The following IL1RAPL1 variants were observed in gnomAD, a reference collection of about 807,000 sequenced individuals.
The protein encoded by IL1RAPL1 is interleukin 1 receptor accessory protein like 1.
A neutral mutation model predicts 48.4 loss-of-function variants in IL1RAPL1; 3 were observed. That is an observed-to-expected ratio of 0.06 (90% CI 0.03 to 0.16). The LOEUF is 0.16. Among genes scored for constraint, IL1RAPL1 ranks in the 10% least tolerant of loss-of-function variants. The pLI is 1.00. For synonymous variants in IL1RAPL1, 185 were observed against 187.7 expected (o/e 0.99, Z 0.12); for missense variants, 349 against 530.6 (o/e 0.66, Z 3.36).
At chrX:28,941,345 A>G (rs1449558307) in intron 2 of IL1RAPL1, among the ~76,000 whole-genome samples, 2 of 111,336 alleles carry the variant, frequency 1.8e-5, no homozygotes, top group Non-Finnish European at 3.8e-5. Context: ...TCTCTGCAAG[A>G]TATTTACTTA....
chrX:29,298,918 A>G (rs935251185), intron 3 of IL1RAPL1, among the ~76,000 whole-genome samples: 1 of 111,226 alleles, frequency 9.0e-6, no homozygotes, highest in African/African-American at 3.3e-5. Context: ...GATGCAAAGT[A>G]TTGATCCTGG....
At chrX:29,301,678 A>C (rs942664923) in intron 3 of IL1RAPL1, among the ~76,000 whole-genome samples, 1 of 111,880 alleles carries the variant, frequency 8.9e-6, no homozygotes, top group African/African-American at 3.2e-5. Flanking sequence ...TTTTCTGCAC[A>C]CAGGAATAAA....
At chrX:29,925,774 A>T (rs1338213507) in intron 8 of IL1RAPL1, among the ~76,000 whole-genome samples, 1 of 110,359 alleles carries the variant, frequency 9.1e-6, no homozygotes, top group African/African-American at 3.3e-5. Flanking sequence ...TCCTCGGCTT[A>T]AGCGATCCTC....
chrX:28,708,755 T>G (rs1935405210), intron 1 of IL1RAPL1, among the ~76,000 whole-genome samples: 1 of 110,904 alleles, frequency 9.0e-6, no homozygotes, highest in Non-Finnish European at 1.9e-5. Context: ...GTTAAAAAAC[T>G]TGATCACATG....
intron 6 of IL1RAPL1, among the ~76,000 whole-genome samples, chrX:29,884,189 G>A (rs776246110): frequency 9.0e-6 from 1 of 111,710 alleles, no homozygotes; most frequent in Admixed American, 9.5e-5. Flanking sequence ...ATTCATTCGA[G>A]ACAAACCCTA....
intron 9 of IL1RAPL1, among the ~76,000 whole-genome samples, chrX:29,951,564 G>C: frequency 9.0e-6 from 1 of 111,453 alleles, no homozygotes. Flanking sequence ...GATATGAGTA[G>C]GGCCTAACCT....
intron 6 of IL1RAPL1, among the ~76,000 whole-genome samples, chrX:29,671,760 C>T (rs1249898782): frequency 2.7e-5 from 3 of 111,945 alleles, no homozygotes; most frequent in East Asian, 2.8e-4. Flanking sequence ...CTGCCTGTTA[C>T]GGCCAGGAGC....
intron 2 of IL1RAPL1, among the ~76,000 whole-genome samples, chrX:29,142,893 G>A (rs556921140): frequency 1.8e-5 from 2 of 109,940 alleles, no homozygotes; most frequent in East Asian, 5.7e-4. Flanking sequence ...TAGAGACAGG[G>A]TTTCACCATG....
intron 2 of IL1RAPL1, among the ~76,000 whole-genome samples, chrX:29,224,647 T>C (rs1262757146): frequency 8.9e-6 from 1 of 112,142 alleles, no homozygotes; most frequent in Non-Finnish European, 1.9e-5. Context: ...TATATAGTTG[T>C]ATCATGTTTA....
chrX:28,748,618 C>T (rs1936005897), intron 1 of IL1RAPL1, among the ~76,000 whole-genome samples: 1 of 111,828 alleles, frequency 8.9e-6, no homozygotes, highest in Non-Finnish European at 1.9e-5. Context: ...AATAAACCTT[C>T]AAATGTATTT....
chrX:29,613,737 GT>G (rs1924170996), intron 5 of IL1RAPL1, among the ~76,000 whole-genome samples: 1 of 97,585 alleles, frequency 1.0e-5, no homozygotes, highest in African/African-American at 3.8e-5. Flanking sequence ...GTGTGTGTGT[GT>G]GTGTGTGTGT....
chrX:29,032,162 T>C (rs777608270), intron 2 of IL1RAPL1, among the ~76,000 whole-genome samples: 1 of 112,125 alleles, frequency 8.9e-6, no homozygotes, highest in South Asian at 3.7e-4. Flanking sequence ...GGTTGTCTAC[T>C]GTACCACTTT....
At chrX:28,926,931 GC>G (rs1923758419) in intron 2 of IL1RAPL1, among the ~76,000 whole-genome samples, 1 of 110,777 alleles carries the variant, frequency 9.0e-6, no homozygotes, top group Non-Finnish European at 1.9e-5. Flanking sequence ...TCCCTCTGTT[GC>G]CCAGGCTGGA....
intron 3 of IL1RAPL1, among the ~76,000 whole-genome samples, chrX:29,310,016 A>C (rs1182433504): frequency 2.4e-4 from 24 of 98,079 alleles, no homozygotes; most frequent in African/African-American, 4.4e-4. Context: ...ATGGCGTGAA[A>C]CCGGGAGGCA....
At chrX:28,903,267 G>A (rs765041203) in intron 2 of IL1RAPL1, among the ~76,000 whole-genome samples, 4 of 110,439 alleles carry the variant, frequency 3.6e-5, no homozygotes, top group Admixed American at 9.7e-5. Context: ...TTACAGGCAC[G>A]TGCCACCATG....
chrX:29,153,858 T>G (rs1929514334), intron 2 of IL1RAPL1, among the ~76,000 whole-genome samples: 1 of 112,199 alleles, frequency 8.9e-6, no homozygotes, highest in African/African-American at 3.2e-5. Context: ...AACTAAGTCC[T>G]TACAAAATAA....
At chrX:29,355,453 C>T (rs376444947) in intron 3 of IL1RAPL1, among the ~76,000 whole-genome samples, 1 of 112,232 alleles carries the variant, frequency 8.9e-6, no homozygotes, top group East Asian at 2.8e-4. Context: ...TCTGAAGATA[C>T]TTTTCTTTCT....
intron 1 of IL1RAPL1, among the ~76,000 whole-genome samples, chrX:28,611,096 G>A (rs183090728): frequency 9.0e-6 from 1 of 111,590 alleles, no homozygotes; most frequent in African/African-American, 3.3e-5. Flanking sequence ...CCCTCCCACA[G>A]AGCTCATTTA....
intron 3 of IL1RAPL1, among the ~76,000 whole-genome samples, chrX:29,342,220 A>T (rs930998330): frequency 1.8e-5 from 2 of 110,405 alleles, no homozygotes; most frequent in Non-Finnish European, 3.8e-5. Context: ...GAGGCAAAAA[A>T]GTTAATTGGG....
Sources: allele counts gnomAD v4.1 joint callset (sites outside exome capture counted in the v4.1 genomes callset), GRCh38; gene constraint gnomAD v4.1.1; transcripts MANE v1.5; gene names NCBI Gene and HGNC (gene_info 2026-07-23, HGNC 2026-07-21).